The following DTX2 variants were observed in gnomAD, a reference collection of about 807,000 sequenced individuals.
The protein encoded by DTX2 is probable E3 ubiquitin-protein ligase DTX2.
In DTX2, 29 loss-of-function variants were observed where a neutral mutation model predicts 55.3. The observed-to-expected ratio is 0.52, with a 90% CI of 0.39 to 0.71. DTX2 has a LOEUF of 0.71. Ranked by LOEUF, DTX2 falls within the 30% of genes least tolerant of loss-of-function variation. The probability of loss-of-function intolerance (pLI) is 0.00; values close to 1 mark genes in which losing one functional copy is unlikely to be tolerated. For synonymous variants in DTX2, 276 were observed against 340.4 expected (o/e 0.81, Z 2.08); for missense variants, 537 against 822.5 (o/e 0.65, Z 4.25).
chr7:76,483,117 C>T lies in DTX2; in HGVS notation c.878C>T (p.Pro293Leu), dbSNP rs1210094366. Residue 293 changes from proline to leucine, a missense_variant, in exon 4 of 11, where the codon CCC becomes CTC. By Grantham distance (98) the Pro-to-Leu change is moderately conservative. Transcript: ENST00000430490. ...SLSHLGPQHL[P>L]PGSSTSGAVS... The stretch of plus-strand genomic sequence containing the variant: ...TCCCACCTGGGACCGCAGCACCTGC[C>T]CCCAGGATCCTCCACCTCCGGTGCA... 1 of 1,612,350 alleles carries T rather than the reference C, an allele frequency of 6.2e-7. No homozygotes were observed. The highest frequency in any genetic ancestry group is 1.7e-5 in the Admixed American group (1 of 59,868).
chr7:76,498,328 C>T (rs902494962), intron 6 of DTX2, among the ~76,000 whole-genome samples: 6 of 151,122 alleles, frequency 4.0e-5, no homozygotes, highest in Admixed American at 2.6e-4. Flanking sequence ...GAGGTGGGCT[C>T]AGGGAGGGGT....
intron 3 of DTX2, 120 bp downstream of exon 3, chr7:76,480,897 A>G (rs1366181744): frequency 1.7e-6 from 2 of 1,205,774 alleles, no homozygotes; most frequent in Non-Finnish European, 1.1e-6. Flanking sequence ...TCCCTGCAGC[A>G]CACGTGGTGG....
At chr7:76,482,450 C>T (rs1055785351) in intron 3 of DTX2, 58 bp from the exon 4 acceptor site, 27 of 1,507,630 alleles carry the variant, frequency 1.8e-5, no homozygotes, top group South Asian at 2.7e-5. Flanking sequence ...AGAATTTGAA[C>T]GTTCCCTGTA....
In DTX2 at chr7:76,505,716, GGTGT is replaced by G; in HGVS notation, c.*117_*120del. On this transcript the variant is annotated 3_prime_UTR_variant, in exon 11 of 11. Transcript: ENST00000430490. The surrounding 1 kb of genome is among the most constrained non-coding windows in gnomAD (Gnocchi z 4.4). Reference sequence around the variant, plus strand: ...GCTGGGAGGTTTGTTGAGGGTGTGGGGTGTGCCCCACCTGAAGCCGGGGCTCCCC... The same window carrying G: ...GCTGGGAGGTTTGTTGAGGGTGTGGGGCCCCACCTGAAGCCGGGGCTCCCC... 6 of 1,144,658 alleles carry G rather than the reference GGTGT, an allele frequency of 5.2e-6. No individual in the cohort carries two copies. The highest frequency in any genetic ancestry group is 7.4e-6 in the Non-Finnish European group (6 of 815,482). The allele number at this position is 1,144,658 out of a possible 1,614,324, so 70.9% of individuals were successfully genotyped here.
intron 4 of DTX2, among the ~76,000 whole-genome samples, chr7:76,484,005 T>C (rs1809622112): frequency 6.8e-6 from 1 of 146,278 alleles, no homozygotes; most frequent in Non-Finnish European, 1.5e-5. Flanking sequence ...AGCAGTGAGC[T>C]GTGATCGCAC....
chr7:76,504,742 A>T (rs539683849), intron 10 of DTX2, among the ~76,000 whole-genome samples: 1 of 152,280 alleles, frequency 6.6e-6, no homozygotes, highest in East Asian at 1.9e-4. Flanking sequence ...CCAGGTGACC[A>T]CGGAAGGCTG....
chr7:76,472,769 A>T (rs1289766244), intron 2 of DTX2, among the ~76,000 whole-genome samples: 3 of 151,978 alleles, frequency 2.0e-5, no homozygotes, highest in Non-Finnish European at 2.9e-5. Context: ...AGAAAAAAAA[A>T]GGTCTTCTAT....
chr7:76,482,652 G>C lies in DTX2; in HGVS notation c.413G>C (p.Arg138Thr). 6.2e-7 allele frequency: 1 copy of C among 1,613,848 alleles called. No individual in the cohort carries two copies. Among genetic ancestry groups the C allele is most frequent in the Non-Finnish European group, 8.5e-7 (1 of 1,179,804 alleles). ...GACTATCTGGAGCAGCAGGTGGCCA[G>C]GGGCAACCAGCTCGTGGACTTGGCC... ...VCDYLEQQVARGNQLVDLAPL... is the reference protein window; with the variant it reads ...VCDYLEQQVATGNQLVDLAPL... The change falls in exon 4 of 11, where the codon AGG becomes ACG. Residue 138 changes from arginine to threonine, a missense_variant. Transcript: ENST00000430490.
At chr7:76,475,796 G>A (rs1463379638) in intron 2 of DTX2, among the ~76,000 whole-genome samples, 2 of 99,784 alleles carry the variant, frequency 2.0e-5, no homozygotes, top group African/African-American at 7.6e-5. Context: ...ATGAGACAGG[G>A]TCTCTGTCTG....
chr7:76,491,173 G>T (rs1330300998), intron 4 of DTX2, among the ~76,000 whole-genome samples: 1 of 150,506 alleles, frequency 6.6e-6, no homozygotes, highest in East Asian at 2.0e-4. Context: ...AATTTTTGTA[G>T]TTTTAGTAGA....
rs1812270242 is a variant in DTX2, at chr7:76,505,688, G to C, written c.*87G>C. 2 of 1,378,112 alleles carry C rather than the reference G, an allele frequency of 1.5e-6. No individual in the cohort carries two copies. The highest frequency in any genetic ancestry group is 2.9e-5 in the African/African-American group (2 of 69,492). 85.4% of individuals were successfully genotyped at this position (1,378,112 alleles called of 1,614,324 possible). On this transcript the variant is annotated 3_prime_UTR_variant, in exon 11 of 11. Coordinates refer to ENST00000430490, the MANE Select transcript of DTX2 (RefSeq NM_001102594.3). This position sits in a 1 kb window ranked among gnomAD's most constrained non-coding sequence, Gnocchi z 4.4. ...GCCAGGCAGGAAGTGCCCAGCCCGA[G>C]AGGCTGGGAGGTTTGTTGAGGGTGT...
In DTX2 at chr7:76,483,010, TGC is replaced by T. The variant is rs1434513689; in HGVS notation, c.774_775del (p.Pro259GlnfsTer94). ...AACCCTCACTCTCCGGGGCCCGGTC[TGC>T]GCCCAGGCTGAACACCACCAACGCC... ...NKPSLSGARS[A>X]PRLNTTNAWG... On this transcript the variant is annotated frameshift_variant, in exon 4 of 11. Coordinates refer to ENST00000430490, the MANE Select transcript of DTX2 (RefSeq NM_001102594.3). LOFTEE classifies it high-confidence loss of function. 4 of 1,613,570 alleles carry T rather than the reference TGC, an allele frequency of 2.5e-6. No individual in the cohort carries two copies. Among genetic ancestry groups the T allele is most frequent in the Non-Finnish European group, 2.5e-6 (3 of 1,179,696 alleles).
intron 8 of DTX2, chr7:76,503,006 G>A: frequency 4.5e-6 from 1 of 221,130 alleles, no homozygotes; most frequent in South Asian, 1.1e-4. Flanking sequence ...GGCGGGATGG[G>A]CAGAGTTTAG....
intron 2 of DTX2, among the ~76,000 whole-genome samples, chr7:76,467,162 G>A (rs1473642544): frequency 1.3e-5 from 2 of 151,288 alleles, no homozygotes; most frequent in Non-Finnish European, 2.9e-5. Flanking sequence ...GCCTCCCAAA[G>A]TGCTGGGATG....
intron 2 of DTX2, among the ~76,000 whole-genome samples, chr7:76,473,845 T>C (rs1223137652): frequency 8.1e-6 from 1 of 122,944 alleles, no homozygotes; most frequent in African/African-American, 3.0e-5. Flanking sequence ...AGGAGCTTCA[T>C]GGTTCTCTTG....
At chr7:76,472,470 G>A (rs1271761712) in intron 2 of DTX2, among the ~76,000 whole-genome samples, 1 of 145,354 alleles carries the variant, frequency 6.9e-6, no homozygotes, top group Non-Finnish European at 1.5e-5. Flanking sequence ...GGGATTACAG[G>A]TGCATGCCAC....
At chr7:76,501,888 C>CTTT (rs1259097270) in intron 7 of DTX2, 14 of 149,534 alleles carry the variant, frequency 9.4e-5, no homozygotes, top group South Asian at 5.9e-4. Context: ...GTGGAATGGA[C>CTTT]TTTTTTTTTT....
chr7:76,480,794 C>G lies in DTX2; in HGVS notation c.268+17C>G. ...AGGACACCGGTAAGACGCTGTCTGCCTCTCGCACATATCTGGGTGCCGCAC... is the reference window on the plus strand; with the variant it reads ...AGGACACCGGTAAGACGCTGTCTGCGTCTCGCACATATCTGGGTGCCGCAC... On this transcript the variant is annotated intron_variant, in intron 3 of 10. Transcript: ENST00000430490. 1 of 1,572,048 alleles carries G rather than the reference C, an allele frequency of 6.4e-7. No homozygotes were observed. Among genetic ancestry groups the G allele is most frequent in the Non-Finnish European group, 8.6e-7 (1 of 1,158,270 alleles).
intron 2 of DTX2, among the ~76,000 whole-genome samples, chr7:76,477,770 T>C (rs1483283618): frequency 1.5e-5 from 2 of 134,304 alleles, no homozygotes; most frequent in Non-Finnish European, 3.2e-5. Context: ...CACTGCACTC[T>C]AGCCTGGGTG....
Sources: allele counts gnomAD v4.1 joint callset (sites outside exome capture counted in the v4.1 genomes callset), GRCh38; gene constraint gnomAD v4.1.1; non-coding constraint Gnocchi (gnomAD v3.1); transcripts MANE v1.5; gene names NCBI Gene and HGNC (gene_info 2026-07-23, HGNC 2026-07-21).